The following STK3 variants were observed in gnomAD, a reference collection of about 807,000 sequenced individuals.
STK3 encodes serine/threonine-protein kinase 3.
A neutral mutation model predicts 58.0 loss-of-function variants in STK3; 41 were observed. The observed-to-expected ratio is 0.71, with a 90% CI of 0.55 to 0.92. The LOEUF (loss-of-function observed/expected upper bound fraction) is 0.92. STK3 is among the 40% of genes least tolerant of loss of function. The pLI is 0.00. For missense variants in STK3, 479 were observed against 602.7 expected (o/e 0.79, Z 2.15); for synonymous variants, 170 against 191.0 (o/e 0.89, Z 0.91).
At chr8:98,706,691 A>T in intron 5 of STK3, 57 bp from the exon 6 acceptor site, 1 of 1,435,560 alleles carries the variant, frequency 7.0e-7, no homozygotes, top group Non-Finnish European at 9.2e-7. Flanking sequence ...GGAAATCTGT[A>T]TGCCAAACAT....
intron 6 of STK3, among the ~76,000 whole-genome samples, chr8:98,631,433 CAA>C (rs1180572071): frequency 2.0e-5 from 3 of 152,178 alleles, no homozygotes; most frequent in African/African-American, 7.2e-5. Flanking sequence ...TCTAAAACAT[CAA>C]ACACAGTCAC....
At chr8:98,510,779 C>T (rs1463182962) in intron 10 of STK3, among the ~76,000 whole-genome samples, 1 of 152,022 alleles carries the variant, frequency 6.6e-6, no homozygotes, top group Non-Finnish European at 1.5e-5. Context: ...GCAAAATCAG[C>T]TTGACTGTGT....
intron 3 of STK3, among the ~76,000 whole-genome samples, chr8:98,425,176 C>G (rs1364326289): frequency 6.6e-6 from 1 of 152,230 alleles, no homozygotes; most frequent in East Asian, 1.9e-4. Context: ...CAGGGGCTCC[C>G]AGACTGCAGC....
intron 6 of STK3, among the ~76,000 whole-genome samples, chr8:98,630,259 T>C (rs1319939658): frequency 1.3e-5 from 2 of 152,160 alleles, no homozygotes; most frequent in African/African-American, 4.8e-5. Context: ...CATATTTGAA[T>C]AATAATATAA....
rs77710250 is a variant in STK3, at chr8:98,674,794, T to C, written c.684+31673A>G. 3.3e-4 allele frequency among the ~76,000 whole-genome samples: 51 copies of C among 152,324 alleles called. No individual in the cohort carries two copies. The East Asian group carries it at 9.6e-3, about 29-fold the overall frequency. ...ATCTTCCGTTTCTTTGCCTCACATA[T>C]TTGTTTTACTATTAGAAGAAGGCTG... is the stretch of plus-strand genomic sequence containing the variant. On this transcript the variant is annotated intron_variant, in intron 6 of 10. Coordinates refer to ENST00000419617, the MANE Select transcript of STK3 (RefSeq NM_006281.4).
intron 3 of STK3, among the ~76,000 whole-genome samples, chr8:98,402,612 C>G (rs1817955060): frequency 6.6e-6 from 1 of 152,198 alleles, no homozygotes; most frequent in South Asian, 2.1e-4. Flanking sequence ...CTGGGGTGGT[C>G]TCCCATGAGT....
chr8:98,863,502 TCACA>T (rs200490001), intron 3 of STK3, among the ~76,000 whole-genome samples: 7 of 151,582 alleles, frequency 4.6e-5, no homozygotes, highest in Non-Finnish European at 8.8e-5. Flanking sequence ...ACACACATGC[TCACA>T]CACACACACA....
At chr8:98,813,073 G>A (rs1834330445) in intron 1 of STK3, among the ~76,000 whole-genome samples, 1 of 150,218 alleles carries the variant, frequency 6.7e-6, no homozygotes. Flanking sequence ...TTCTTCAAAA[G>A]ATGCTGACGA....
At chr8:98,615,054 T>C (rs578257674) in intron 6 of STK3, among the ~76,000 whole-genome samples, 76 of 152,088 alleles carry the variant, frequency 5.0e-4, no homozygotes, top group African/African-American at 1.7e-3. Flanking sequence ...CAGACTTAAA[T>C]GTCCCTGTCT....
chr8:98,372,408 C>T (rs1006906948), intron 2 of STK3, among the ~76,000 whole-genome samples: 4 of 152,212 alleles, frequency 2.6e-5, no homozygotes. Context: ...AGCCAGGACG[C>T]CACAGCTCCC....
At chr8:98,857,706 T>C (rs1280036788) in intron 3 of STK3, among the ~76,000 whole-genome samples, 1 of 152,130 alleles carries the variant, frequency 6.6e-6, no homozygotes, top group Non-Finnish European at 1.5e-5. Flanking sequence ...GACCATAAAA[T>C]AGAAGCTGAA....
intron 1 of STK3, among the ~76,000 whole-genome samples, chr8:98,893,481 A>AGC: frequency 1.4e-5 from 1 of 70,396 alleles, no homozygotes; most frequent in East Asian, 4.2e-4. Flanking sequence ...AAAGAAAGAA[A>AGC]GAAAGAGAAA....
intron 3 of STK3, among the ~76,000 whole-genome samples, chr8:98,840,564 C>T (rs1359470835): frequency 6.4e-5 from 7 of 108,564 alleles, no homozygotes; most frequent in African/African-American, 2.6e-4. Flanking sequence ...AGAGTGACAA[C>T]CTGTCTCAAG....
At chr8:98,436,264 C>T (rs1818485526) in intron 2 of STK3, among the ~76,000 whole-genome samples, 1 of 152,140 alleles carries the variant, frequency 6.6e-6, no homozygotes, top group South Asian at 2.1e-4. Flanking sequence ...TGTCCACAGC[C>T]ACAATGTCCA....
chr8:98,413,306 T>C, intron 3 of STK3: 1 of 471,432 alleles, frequency 2.1e-6, no homozygotes, highest in Non-Finnish European at 4.2e-6. Context: ...CAAGCCACCA[T>C]GCCTGGCCTA....
At chr8:98,844,421 G>T (rs1459116452) in intron 3 of STK3, among the ~76,000 whole-genome samples, 1 of 152,188 alleles carries the variant, frequency 6.6e-6, no homozygotes, top group Non-Finnish European at 1.5e-5. Context: ...AACACAGCCT[G>T]CAAGGGGGCT....
intron 3 of STK3, chr8:98,413,651 A>C (rs978861311): frequency 3.7e-6 from 3 of 808,044 alleles, no homozygotes; most frequent in Non-Finnish European, 6.6e-6. Flanking sequence ...CACAAACCGT[A>C]GAAAAGCAGT....
intron 1 of STK3, among the ~76,000 whole-genome samples, chr8:98,821,905 C>A (rs923863737): frequency 2.0e-5 from 3 of 152,134 alleles, no homozygotes; most frequent in South Asian, 2.1e-4. Flanking sequence ...AACTGGGCTA[C>A]ACACTGGAAT....
chr8:98,906,989 T>TA lies in STK3; in HGVS notation c.-78-23156dup, dbSNP rs3085954. ...ATAGGGATAACCCCATCTCTACCAA[T>TA]AAAAAAAAAAAAAAAAAAATTAGCC... On this transcript the variant is annotated intron_variant, in intron 1 of 1. Transcript: ENST00000519420. 5.2e-3 allele frequency among the ~76,000 whole-genome samples: 494 copies of TA among 94,754 alleles called. 4 individuals carry two copies. Among genetic ancestry groups the TA allele is most frequent in the East Asian group, 0.011 (36 of 3,290 alleles). 62.2% of individuals were successfully genotyped at this position (94,754 alleles called of 152,430 possible). A position where few individuals can be genotyped will look rare whatever the true frequency, so the allele number is the denominator to read the frequency against.
Sources: allele counts gnomAD v4.1 joint callset (sites outside exome capture counted in the v4.1 genomes callset), GRCh38; gene constraint gnomAD v4.1.1; transcripts MANE v1.5; gene names NCBI Gene and HGNC (gene_info 2026-07-23, HGNC 2026-07-21).